The following PRTFDC1 variants were observed in gnomAD, a reference collection of about 807,000 sequenced individuals.
PRTFDC1 encodes the protein phosphoribosyltransferase domain-containing protein 1.
PRTFDC1 carries 38 observed loss-of-function variants against 34.6 expected under a neutral mutation model. The ratio of observed to expected loss-of-function variants is 1.10; its 90% confidence interval spans 0.85 to 1.44. PRTFDC1 has a LOEUF of 1.44. PRTFDC1 is among the 40% of genes most tolerant of loss of function. The probability of loss-of-function intolerance (pLI) is 0.00; values close to 1 mark genes in which losing one functional copy is unlikely to be tolerated. For synonymous variants in PRTFDC1, 93 were observed against 98.1 expected, an observed-to-expected ratio of 0.95 and a Z score of 0.31; for missense variants, 270 against 283.0, an observed-to-expected ratio of 0.95 and a Z score of 0.33.
At chr10:24,908,462 A>C (rs1478065552) in intron 3 of PRTFDC1, 5 of 1,597,414 alleles carry the variant, frequency 3.1e-6, no homozygotes, top group Non-Finnish European at 4.3e-6. Context: ...TGAGCCCTAG[A>C]ATGGTCCAGG....
At chr10:24,903,287 T>A (rs140629343) in intron 3 of PRTFDC1, among the ~76,000 whole-genome samples, 143 of 152,358 alleles carry the variant, frequency 9.4e-4, no homozygotes, top group African/African-American at 3.4e-3. Flanking sequence ...GTGCATTTAC[T>A]AAGTAAATTA....
At chr10:24,935,335 AC>A (rs751365610) in intron 3 of PRTFDC1, among the ~76,000 whole-genome samples, 14 of 152,232 alleles carry the variant, frequency 9.2e-5, no homozygotes, top group Non-Finnish European at 1.6e-4. Context: ...CAGGGATTTA[AC>A]CCAGAAGGAA....
In PRTFDC1 at chr10:24,891,640, A is replaced by G. The variant is rs555789473; in HGVS notation, c.340-19577T>C. On this transcript the variant is annotated intron_variant, in intron 3 of 8. Coordinates refer to ENST00000320152, the MANE Select transcript of PRTFDC1 (RefSeq NM_020200.7). The stretch of plus-strand genomic sequence containing the variant: ...CCCAGTCTCTTAAAAAAAAAAAATT[A>G]GCTGTTGTCCCAGCTACTCGGGAGG... Among the ~76,000 whole-genome samples, 14 of 149,432 alleles carry G rather than the reference A, an allele frequency of 9.4e-5. No individual in the cohort carries two copies. The South Asian group carries it at 1.1e-3, about 12-fold the overall frequency.
chr10:24,863,029 C>T (rs1042972684), intron 4 of PRTFDC1, among the ~76,000 whole-genome samples: 7 of 152,068 alleles, frequency 4.6e-5, no homozygotes, highest in African/African-American at 9.6e-5. Context: ...AGGTGCACGC[C>T]GGATGCCCAG....
chr10:24,952,359 G>A lies in PRTFDC1; in HGVS notation c.48+169C>T, dbSNP rs1195675951. On this transcript the variant is annotated intron_variant, in intron 1 of 8. Transcript: ENST00000320152. The surrounding 1 kb of genome is among the most constrained non-coding windows in gnomAD (Gnocchi z 5.1). ...GACTCAGAGTTTCGTCAGATTGGGGGCGGGGAGAGGAGGCCCGGGTCCGAG... is the reference window on the plus strand; with the variant it reads ...GACTCAGAGTTTCGTCAGATTGGGGACGGGGAGAGGAGGCCCGGGTCCGAG... Among the ~76,000 whole-genome samples, 1 of 152,092 alleles carries A rather than the reference G, an allele frequency of 6.6e-6. No individual in the cohort carries two copies. Among genetic ancestry groups the A allele is most frequent in the African/African-American group, 2.4e-5 (1 of 41,434 alleles).
intron 1 of PRTFDC1, among the ~76,000 whole-genome samples, chr10:24,943,339 T>G (rs1849200146): frequency 6.6e-6 from 1 of 152,082 alleles, no homozygotes; most frequent in African/African-American, 2.4e-5. Flanking sequence ...AAAATTGGCC[T>G]ATTCACATAG....
Position 24,937,289 on chromosome 10 carries a change from A to G in PRTFDC1, c.234T>C (p.Gly78=). The change falls in exon 3 of 9, where the codon GGT becomes GGC. Residue 78 remains glycine (G), a synonymous_variant. Transcript: ENST00000320152. ...CTACGAGATCAGCACAGAATTTGTA[A>G]CCTCCTTTAAGCACACACAGGACCA... ...DIMVLCVLKG[G]YKFCADLVEH... is the part of the protein sequence containing the mutation. 6.2e-7 allele frequency: 1 copy of G among 1,613,956 alleles called. No homozygotes were observed. Among genetic ancestry groups the G allele is most frequent in the Non-Finnish European group, 8.5e-7 (1 of 1,179,956 alleles).
At chr10:24,893,090 T>C (rs960208577) in intron 3 of PRTFDC1, among the ~76,000 whole-genome samples, 3 of 152,138 alleles carry the variant, frequency 2.0e-5, no homozygotes, top group African/African-American at 7.2e-5. Flanking sequence ...AAGTAGCACA[T>C]CCTATGTTAC....
chr10:24,866,372 A>G (rs990810928), intron 4 of PRTFDC1, among the ~76,000 whole-genome samples: 16 of 150,310 alleles, frequency 1.1e-4, no homozygotes, highest in Admixed American at 7.3e-4. Flanking sequence ...AAAAAAAAAA[A>G]AAAAAAAAGA....
intron 2 of PRTFDC1, among the ~76,000 whole-genome samples, chr10:24,938,451 T>C (rs1172504758): frequency 6.6e-6 from 1 of 152,200 alleles, no homozygotes; most frequent in African/African-American, 2.4e-5. Flanking sequence ...TGTGTGGGGA[T>C]GCTCTTATTA....
At chr10:24,948,450 C>A (rs1276903834) in intron 1 of PRTFDC1, among the ~76,000 whole-genome samples, 1 of 152,216 alleles carries the variant, frequency 6.6e-6, no homozygotes, top group Non-Finnish European at 1.5e-5. Flanking sequence ...AGCAAAATTT[C>A]TGACCTTAGG....
Position 24,849,812 on chromosome 10 carries a change from A to G in PRTFDC1, c.*32T>C, listed in dbSNP as rs369366122. The G allele has an allele frequency of 3.1e-6, 5 of 1,608,350 alleles. No individual in the cohort carries two copies. Among genetic ancestry groups the G allele is most frequent in the Non-Finnish European group, 3.4e-6 (4 of 1,174,984 alleles). ...CAAGTACAGGCGTAAATATGATGCT[A>G]TCTGGGACTTTAGTGGTGAGAATTC... On this transcript the variant is annotated 3_prime_UTR_variant, in exon 9 of 9. Transcript: ENST00000320152.
Position 24,856,926 on chromosome 10 carries a change from T to A in PRTFDC1, c.493A>T (p.Ile165Phe). 1 of 1,612,480 alleles carries A rather than the reference T, an allele frequency of 6.2e-7. No homozygotes were observed. ...SNIEKYKPNMIKVASLLVKRT... is the reference protein window; with the variant it reads ...SNIEKYKPNMFKVASLLVKRT... ...TGTCCAACTCACCTGGCTACCTTAA[T>A]CATGTTGGGCTTGTATTTCTCTATA... The change falls in exon 6 of 9, where the codon ATT becomes TTT. Residue 165 changes from isoleucine (I) to phenylalanine (F), a missense_variant. Ile to Phe is a conservative substitution (Grantham distance 21, BLOSUM62 0). Transcript: ENST00000320152.
chr10:24,916,249 C>A (rs551533403), intron 3 of PRTFDC1, among the ~76,000 whole-genome samples: 1 of 152,188 alleles, frequency 6.6e-6, no homozygotes, highest in African/African-American at 2.4e-5. Context: ...TTCCAGCTAT[C>A]GTTATCTCTC....
intron 1 of PRTFDC1, among the ~76,000 whole-genome samples, chr10:24,944,342 T>C (rs916782577): frequency 3.3e-5 from 5 of 152,072 alleles, no homozygotes; most frequent in African/African-American, 1.2e-4. Flanking sequence ...CAGGACTACC[T>C]CTCGGCACCT....
chr10:24,942,534 T>C lies in PRTFDC1; in HGVS notation c.49-98A>G. On this transcript the variant is annotated intron_variant, in intron 1 of 8. Transcript: ENST00000320152. ...ACTTGAGAGGAGAATTCCCTCAACT[T>C]ATGAAAAGTTTAGTGGAACAAGGTT... The C allele has an allele frequency of 6.1e-6, 6 of 986,840 alleles. 1 individual carries two copies. In the South Asian group the frequency reaches 6.8e-5, roughly 11 times the overall value. 61.1% of individuals were successfully genotyped at this position (986,840 alleles called of 1,614,324 possible).
At chr10:24,891,208 T>A (rs1418952746) in intron 3 of PRTFDC1, among the ~76,000 whole-genome samples, 3 of 152,192 alleles carry the variant, frequency 2.0e-5, no homozygotes, top group Non-Finnish European at 4.4e-5. Flanking sequence ...CTTCTTGTGA[T>A]CATGTAAATT....
At chr10:24,886,123 T>C (rs900713198) in intron 3 of PRTFDC1, among the ~76,000 whole-genome samples, 10 of 152,176 alleles carry the variant, frequency 6.6e-5, no homozygotes, top group Non-Finnish European at 1.2e-4. Context: ...TGAACCCTAA[T>C]GCAAACTACG....
chr10:24,858,359 C>A (rs757491253), intron 5 of PRTFDC1, 33 bp downstream of exon 5: 14 of 1,604,198 alleles, frequency 8.7e-6, no homozygotes, highest in South Asian at 1.1e-5. Context: ...ATTCTTTCAA[C>A]CTCCAAGTAT....
Sources: gnomAD v4.1 joint callset for allele counts (sites outside exome capture counted in the v4.1 genomes callset) on GRCh38, gnomAD v4.1.1 for gene constraint, Gnocchi (gnomAD v3.1) non-coding constraint, MANE v1.5 for transcripts, NCBI Gene and HGNC (gene_info 2026-07-23, HGNC 2026-07-21) for gene names.